Variants in DGKB observed in about 807,000 individuals in gnomAD.
DGKB encodes 90 kDa diacylglycerol kinase.
In DGKB, 67 loss-of-function variants were observed where a neutral mutation model predicts 114.3. The observed-to-expected ratio is 0.59, with a 90% CI of 0.48 to 0.72. The LOEUF is 0.72. Among genes scored for constraint, DGKB ranks in the 30% least tolerant of loss-of-function variants. The pLI, the probability that DGKB is intolerant of heterozygous loss-of-function variation, is 0.00. For missense variants in DGKB, 907 were observed against 975.2 expected (o/e 0.93, Z 0.93); for synonymous variants, 398 against 323.1 (o/e 1.23, Z -2.49).
chr7:14,865,291 G>A (rs752959303), intron 1 of DGKB, among the ~76,000 whole-genome samples: 1 of 152,036 alleles, frequency 6.6e-6, no homozygotes, highest in Non-Finnish European at 1.5e-5. Flanking sequence ...TTTCCTGGGC[G>A]CCCTTGCCAT....
intron 1 of DGKB, among the ~76,000 whole-genome samples, chr7:14,954,107 G>T (rs958843139): frequency 6.6e-6 from 1 of 152,042 alleles, no homozygotes; most frequent in Admixed American, 6.6e-5. Flanking sequence ...CTATTCTGAG[G>T]CTTACAGTAG....
In DGKB at chr7:14,841,440, G is replaced by A. The variant is rs1273869480; in HGVS notation, c.-177C>T. ...TTTGGATGCTTGTAATTTCAATAAT[G>A]TGTTAAAGAACTGCAAAAAAAAAAA... is the stretch of plus-strand genomic sequence containing the variant. On this transcript the variant is annotated 5_prime_UTR_variant, in exon 2 of 26. Coordinates refer to ENST00000402815, the MANE Select transcript of DGKB (RefSeq NM_001350709.2). 1.8e-5 allele frequency: 7 copies of A among 399,254 alleles called. No homozygotes were observed. Among genetic ancestry groups the A allele is most frequent in the African/African-American group, 9.5e-5 (3 of 31,540 alleles). 24.7% of individuals were successfully genotyped at this position (399,254 alleles called of 1,614,324 possible). A position where few individuals can be genotyped will look rare whatever the true frequency, so the allele number is the denominator to read the frequency against.
chr7:14,436,760 T>C (rs1229090453), intron 21 of DGKB, among the ~76,000 whole-genome samples: 1 of 152,144 alleles, frequency 6.6e-6, no homozygotes, highest in Non-Finnish European at 1.5e-5. Context: ...TCATTACAGA[T>C]AGTCTAGCCT....
chr7:14,758,687 G>A (rs17168395), intron 2 of DGKB, among the ~76,000 whole-genome samples: 17,984 of 151,934 alleles, frequency 0.12, 2,086 homozygotes, highest in African/African-American at 0.3. Context: ...AGTGATACTT[G>A]GACTACCACA....
chr7:14,757,709 A>T lies in DGKB; in HGVS notation c.93T>A (p.Asp31Glu). Reference protein sequence around the residue: ...YAEYSTKKLKDVLEEFHGNGV... With the variant: ...YAEYSTKKLKEVLEEFHGNGV... ...CATTACCATGGAATTCTTCAAGAAC[A>T]TCCTTTAATTTCTTTGTAGAATCTA... The change falls in exon 3 of 26, where the codon GAT (aspartate) becomes GAA (glutamate). Residue 31 changes from aspartate (D) to glutamate (E), a missense_variant. Physicochemically the swap from Asp to Glu is conservative, Grantham distance 45. Transcript: ENST00000402815. 6.2e-7 allele frequency: 1 copy of T among 1,604,196 alleles called. No homozygotes were observed. The highest frequency in any genetic ancestry group is 8.5e-7 in the Non-Finnish European group (1 of 1,172,576).
At chr7:14,493,239 C>A (rs897123498) in intron 20 of DGKB, among the ~76,000 whole-genome samples, 6 of 151,928 alleles carry the variant, frequency 3.9e-5, no homozygotes, top group African/African-American at 1.4e-4. Context: ...CCATGTTTTC[C>A]CCTTATCTAC....
chr7:14,763,327 C>T (rs1028518686), intron 2 of DGKB, among the ~76,000 whole-genome samples: 11 of 152,116 alleles, frequency 7.2e-5, no homozygotes, highest in Non-Finnish European at 1.3e-4. Flanking sequence ...GAATCTACAT[C>T]TCATTTGTGC....
chr7:14,773,000 A>C (rs977801220), intron 2 of DGKB, among the ~76,000 whole-genome samples: 1 of 152,144 alleles, frequency 6.6e-6, no homozygotes, highest in Admixed American at 6.6e-5. Flanking sequence ...GAAACAAAAC[A>C]TGCCTTGTCT....
chr7:14,362,069 A>G (rs1048454361), intron 21 of DGKB, among the ~76,000 whole-genome samples: 7 of 152,006 alleles, frequency 4.6e-5, no homozygotes, highest in Non-Finnish European at 5.9e-5. Context: ...ACTCATTTAG[A>G]TACGCTTTCT....
intron 1 of DGKB, among the ~76,000 whole-genome samples, chr7:14,886,471 A>T (rs1855068996): frequency 6.6e-6 from 1 of 151,472 alleles, no homozygotes; most frequent in Admixed American, 6.6e-5. Flanking sequence ...TCCTGCTCGA[A>T]CTCTCTCTCT....
At position 14,145,386 on chromosome 7, in the gene DGKB, A is replaced by G. The variant is rs1018191283; in HGVS notation, c.*3745T>C. ...GAAAAATAACGGAGAACATGATTCA[A>G]TATTATTCAATTATTATTTAATTGT... On this transcript the variant is annotated 3_prime_UTR_variant, in exon 26 of 26. Transcript: ENST00000402815. 8.5e-5 allele frequency: 13 copies of G among 152,164 alleles called. No individual in the cohort carries two copies. Among genetic ancestry groups the G allele is most frequent in the African/African-American group, 3.1e-4 (13 of 41,442 alleles). The allele number at this position is 152,164 out of a possible 1,614,324, so 9.4% of individuals were successfully genotyped here.
At position 14,230,509 on chromosome 7, in the gene DGKB, A is replaced by AT. The variant is rs200910379; in HGVS notation, c.2123-52359dup. Among the ~76,000 whole-genome samples, 141 of 142,688 alleles carry AT rather than the reference A, an allele frequency of 9.9e-4. No homozygotes were observed. The East Asian group carries it at 0.026, about 26-fold the overall frequency. 93.6% of individuals were successfully genotyped at this position (142,688 alleles called of 152,430 possible). On this transcript the variant is annotated intron_variant, in intron 23 of 25. Transcript: ENST00000402815. ...CTGTAAAGTCAAAAATACTCCACAA[A>AT]TTAAAAAACAGGAGTAGAAATCAAT...
intron 1 of DGKB, among the ~76,000 whole-genome samples, chr7:14,924,788 A>G (rs1784672256): frequency 6.6e-6 from 1 of 152,164 alleles, no homozygotes; most frequent in Admixed American, 6.5e-5. Context: ...GTAATAAGAT[A>G]TAATACAGAA....
chr7:14,915,017 A>G (rs1266678997), intron 1 of DGKB, among the ~76,000 whole-genome samples: 1 of 152,148 alleles, frequency 6.6e-6, no homozygotes, highest in East Asian at 1.9e-4. Flanking sequence ...TAACAGACTA[A>G]CCAAGAATTA....
At chr7:14,464,138 G>A (rs1167006499) in intron 21 of DGKB, among the ~76,000 whole-genome samples, 4 of 151,294 alleles carry the variant, frequency 2.6e-5, no homozygotes. Context: ...AATTACTTTA[G>A]TTATATTTGA....
intron 21 of DGKB, among the ~76,000 whole-genome samples, chr7:14,346,655 G>A (rs2128595395): frequency 6.6e-6 from 1 of 152,006 alleles, no homozygotes; most frequent in South Asian, 2.1e-4. Context: ...GTAGGTTAGA[G>A]GTAAACATTT....
chr7:14,509,716 C>T (rs962397112), intron 20 of DGKB, among the ~76,000 whole-genome samples: 1 of 152,230 alleles, frequency 6.6e-6, no homozygotes, highest in African/African-American at 2.4e-5. Flanking sequence ...GCCTCCGACG[C>T]TCTGGTCCCC....
chr7:14,699,095 G>A (rs771204007), intron 7 of DGKB, among the ~76,000 whole-genome samples: 42 of 150,132 alleles, frequency 2.8e-4, no homozygotes, highest in Non-Finnish European at 4.9e-4. Flanking sequence ...GTTTCCCTCC[G>A]AGGAACTAAT....
At chr7:14,495,452 AAAG>A (rs1375473796) in intron 20 of DGKB, among the ~76,000 whole-genome samples, 2 of 151,864 alleles carry the variant, frequency 1.3e-5, no homozygotes, top group Non-Finnish European at 2.9e-5. Context: ...GCAATTGAAA[AAAG>A]AAGTTTTCAG....
Sources: allele counts gnomAD v4.1 joint callset (sites outside exome capture counted in the v4.1 genomes callset), GRCh38; gene constraint gnomAD v4.1.1; transcripts MANE v1.5; gene names NCBI Gene and HGNC (gene_info 2026-07-23, HGNC 2026-07-21).